The following EPHA3 variants were observed in gnomAD, a reference collection of about 807,000 sequenced individuals.
EPHA3 encodes ephrin type-A receptor 3.
In EPHA3, 42 loss-of-function variants were observed where a neutral mutation model predicts 107.1. That is an observed-to-expected ratio of 0.39 (90% CI 0.31 to 0.51). EPHA3 has a LOEUF of 0.51. Ranked by LOEUF, EPHA3 falls within the 20% of genes least tolerant of loss-of-function variation. The pLI is 0.78. For synonymous variants in EPHA3, 461 were observed against 424.8 expected (o/e 1.09, Z -1.05); for missense variants, 1,183 against 1,211.2 (o/e 0.98, Z 0.35).
intron 2 of EPHA3, among the ~76,000 whole-genome samples, chr3:89,149,475 T>C (rs1396684650): frequency 1.3e-5 from 2 of 152,004 alleles, no homozygotes; most frequent in Non-Finnish European, 2.9e-5. Flanking sequence ...ATTAAATGCA[T>C]AGAATAATCT....
At chr3:89,165,051 T>G (rs1364782780) in intron 2 of EPHA3, among the ~76,000 whole-genome samples, 2 of 152,212 alleles carry the variant, frequency 1.3e-5, no homozygotes, top group Non-Finnish European at 2.9e-5. Flanking sequence ...CTTAGAGTCT[T>G]TCTGTCACCT....
At chr3:89,271,373 T>C (rs907824004) in intron 3 of EPHA3, among the ~76,000 whole-genome samples, 2 of 152,060 alleles carry the variant, frequency 1.3e-5, no homozygotes, top group Non-Finnish European at 2.9e-5. Flanking sequence ...GTTAGGTATA[T>C]TTCTGAATGG....
chr3:89,398,478 C>T (rs1708892754), intron 6 of EPHA3, among the ~76,000 whole-genome samples: 1 of 152,012 alleles, frequency 6.6e-6, no homozygotes, highest in African/African-American at 2.4e-5. Context: ...TTGTCTCTAC[C>T]AAACCACAGT....
At chr3:89,454,456 C>A (rs1710058302) in intron 15 of EPHA3, among the ~76,000 whole-genome samples, 1 of 152,132 alleles carries the variant, frequency 6.6e-6, no homozygotes, top group South Asian at 2.1e-4. Flanking sequence ...TCAATGAGAT[C>A]TATCTCTATC....
chr3:89,230,398 T>C (rs567561188), intron 3 of EPHA3, among the ~76,000 whole-genome samples: 1 of 152,246 alleles, frequency 6.6e-6, no homozygotes, highest in African/African-American at 2.4e-5. Context: ...TGCAAAGTTA[T>C]GTTGGAAGTA....
At chr3:89,426,956 C>A (rs1709469427) in intron 11 of EPHA3, among the ~76,000 whole-genome samples, 1 of 151,822 alleles carries the variant, frequency 6.6e-6, no homozygotes, top group South Asian at 2.1e-4. Context: ...GATACTAATT[C>A]AGGAGAGATC....
intron 3 of EPHA3, among the ~76,000 whole-genome samples, chr3:89,324,692 C>T (rs145997041): frequency 5.3e-5 from 8 of 152,032 alleles, no homozygotes; most frequent in African/African-American, 7.2e-5. Flanking sequence ...AGATGTCATC[C>T]TATTTTTTTA....
At position 89,342,086 on chromosome 3, in the gene EPHA3, G is replaced by C. The variant is rs754455890; in HGVS notation, c.1302G>C (p.Gln434His). The part of the protein sequence containing the change: ...QFAAVSITTN[Q>H]AAPSPVLTIK... The stretch of plus-strand genomic sequence containing the variant: ...CTGCGGTCAGCATCACAACTAATCA[G>C]GCTGGTGAGTACATACTAGATGCTT... The change falls in exon 5 of 17, where the codon CAG becomes CAC. Residue 434 changes from glutamine to histidine, a missense_variant. Physicochemically the swap from Gln to His is conservative, Grantham distance 24 (BLOSUM62 0). Transcript: ENST00000336596. 1 of 1,608,234 alleles carries C rather than the reference G, an allele frequency of 6.2e-7. No homozygotes were observed. The highest frequency in any genetic ancestry group is 8.5e-7 in the Non-Finnish European group (1 of 1,178,464).
intron 12 of EPHA3, among the ~76,000 whole-genome samples, chr3:89,429,647 A>G (rs1434612245): frequency 6.6e-6 from 1 of 152,146 alleles, no homozygotes; most frequent in Non-Finnish European, 1.5e-5. Flanking sequence ...TTGCTGTTAG[A>G]TATGTACATT....
intron 5 of EPHA3, among the ~76,000 whole-genome samples, chr3:89,350,928 C>T (rs1384941313): frequency 4.6e-5 from 7 of 151,358 alleles, no homozygotes; most frequent in African/African-American, 7.2e-5. Context: ...TTAGGCTGCT[C>T]GGGGGTCAGG....
At chr3:89,460,427 A>T (rs1428318889) in intron 15 of EPHA3, among the ~76,000 whole-genome samples, 3 of 152,192 alleles carry the variant, frequency 2.0e-5, no homozygotes, top group African/African-American at 2.4e-5. Flanking sequence ...ATATTTAGTT[A>T]ATTTAATTGA....
intron 3 of EPHA3, among the ~76,000 whole-genome samples, chr3:89,309,821 A>G (rs1706721469): frequency 6.6e-6 from 1 of 152,026 alleles, no homozygotes; most frequent in African/African-American, 2.4e-5. Context: ...AGACCTTAAG[A>G]GATCTTTGGG....
intron 3 of EPHA3, among the ~76,000 whole-genome samples, chr3:89,298,789 T>TA (rs1370724776): frequency 1.3e-5 from 2 of 152,082 alleles, no homozygotes; most frequent in Non-Finnish European, 2.9e-5. Context: ...TTAAATATTA[T>TA]AAAACAGGTT....
chr3:89,287,867 C>T (rs1342435645), intron 3 of EPHA3, among the ~76,000 whole-genome samples: 3 of 152,022 alleles, frequency 2.0e-5, no homozygotes, highest in African/African-American at 7.2e-5. Flanking sequence ...ATGACATTGA[C>T]CTTGTGTTTT....
chr3:89,413,987 A>C (rs1280885740), intron 10 of EPHA3, among the ~76,000 whole-genome samples: 4 of 151,698 alleles, frequency 2.6e-5, no homozygotes, highest in Non-Finnish European at 4.4e-5. Flanking sequence ...ACTACTATTC[A>C]AAAGTAAAAA....
chr3:89,430,361 T>C (rs1362994142), intron 12 of EPHA3, among the ~76,000 whole-genome samples: 4 of 152,170 alleles, frequency 2.6e-5, no homozygotes, highest in Admixed American at 2.0e-4. Flanking sequence ...ATATGCTTTA[T>C]ATTAAAATCC....
intron 3 of EPHA3, among the ~76,000 whole-genome samples, chr3:89,261,570 C>T (rs765437471): frequency 2.6e-4 from 39 of 151,996 alleles, no homozygotes; most frequent in Non-Finnish European, 3.7e-4. Flanking sequence ...TAGCCTGTCA[C>T]CCAGCACAGG....
At position 89,170,156 on chromosome 3, in the gene EPHA3, T is replaced by C. The variant is rs564795071; in HGVS notation, c.154-39704T>C. 4.6e-5 allele frequency among the ~76,000 whole-genome samples: 7 copies of C among 151,170 alleles called. No homozygotes were observed. The East Asian group carries it at 1.4e-3, about 30-fold the overall frequency. ...GTCCCAGCTGCTCTGCTCGGGAGGC[T>C]GAGGCAGGAGAATGGCGAGAGCCCG... is the stretch of plus-strand genomic sequence containing the variant. On this transcript the variant is annotated intron_variant, in intron 2 of 16. Coordinates refer to ENST00000336596, the MANE Select transcript of EPHA3 (RefSeq NM_005233.6).
chr3:89,332,649 G>A (rs530469864), intron 3 of EPHA3, among the ~76,000 whole-genome samples: 2 of 152,182 alleles, frequency 1.3e-5, no homozygotes, highest in African/African-American at 2.4e-5. Flanking sequence ...GCTCATTTTG[G>A]GCATAAACAG....
Sources: gnomAD v4.1 joint callset for allele counts (sites outside exome capture counted in the v4.1 genomes callset) on GRCh38, gnomAD v4.1.1 for gene constraint, MANE v1.5 for transcripts, NCBI Gene and HGNC (gene_info 2026-07-23, HGNC 2026-07-21) for gene names.